ECT2L: variants seen among roughly 807,000 people sequenced by gnomAD.
ECT2L encodes the protein epithelial cell transforming 2 like, also known as epithelial cell-transforming sequence 2 oncogene-like.
A neutral mutation model predicts 122.8 loss-of-function variants in ECT2L; 126 were observed. The ratio of observed to expected loss-of-function variants is 1.03; its 90% confidence interval spans 0.89 to 1.19. The LOEUF (loss-of-function observed/expected upper bound fraction) is 1.19. Ranked by LOEUF, ECT2L falls within the 50% of genes most tolerant of loss-of-function variation. ECT2L has a pLI of 0.00. For missense variants in ECT2L, 1,012 were observed against 1,064.1 expected, an observed-to-expected ratio of 0.95 and a Z score of 0.68; for synonymous variants, 385 against 381.8, an observed-to-expected ratio of 1.01 and a Z score of -0.10.
rs541684187 is a variant in ECT2L at position 138,871,532 on chromosome 6, G to A, written c.1578+3326G>A. 1.5e-4 allele frequency among the ~76,000 whole-genome samples: 23 copies of A among 152,294 alleles called. No individual in the cohort carries two copies. The East Asian group carries it at 2.9e-3, about 19-fold the overall frequency. ...CATTAAGACCCATCCTTGGCCAGGC[G>A]CAGTGGCTCACGTCTGTAATCCCAG... On this transcript the variant is annotated intron_variant, in intron 13 of 21. Transcript: ENST00000541398.
In ECT2L at chr6:138,813,194, T is replaced by G; in HGVS notation, c.-81T>G. The G allele has an allele frequency of 2.1e-6, 2 of 956,182 alleles. No homozygotes were observed. The highest frequency in any genetic ancestry group is 3.3e-6 in the Non-Finnish European group (2 of 615,262). The allele number at this position is 956,182 out of a possible 1,614,324, so 59.2% of individuals were successfully genotyped here. A position where few individuals can be genotyped will look rare whatever the true frequency, so the allele number is the denominator to read the frequency against. On this transcript the variant is annotated 5_prime_UTR_variant, in exon 3 of 22. The change creates a new upstream start codon in the 5' untranslated region. Coordinates refer to ENST00000541398, the MANE Select transcript of ECT2L (RefSeq NM_001077706.3). ...TAGGTGATCTTAATTGCACACCTAT[T>G]GAAATAAACCTGTAGTTTCTAGAAG...
At chr6:138,847,355 CTTTTTTTTTTTTTTTTT>C (rs1170631663) in intron 8 of ECT2L, among the ~76,000 whole-genome samples, 3 of 54,904 alleles carry the variant, frequency 5.5e-5, no homozygotes, top group East Asian at 6.3e-4. Flanking sequence ...AAGGCCCAAA[CTTTTTTTTTTTTTTTTT>C]TTTTTTTTTT....
chr6:138,867,580 C>T (rs1187462547), intron 12 of ECT2L, among the ~76,000 whole-genome samples: 1 of 146,578 alleles, frequency 6.8e-6, no homozygotes, highest in East Asian at 2.0e-4. Flanking sequence ...GAGGCCAAGG[C>T]AGGAGGATCA....
intron 4 of ECT2L, among the ~76,000 whole-genome samples, chr6:138,816,769 G>A (rs1776081583): frequency 6.6e-6 from 1 of 152,234 alleles, no homozygotes; most frequent in Admixed American, 6.5e-5. Context: ...ACAGGCATGA[G>A]CCGCCGCGCC....
intron 1 of ECT2L, among the ~76,000 whole-genome samples, chr6:138,804,285 T>C (rs1204064152): frequency 6.6e-6 from 1 of 152,216 alleles, no homozygotes; most frequent in Non-Finnish European, 1.5e-5. Context: ...AGGGGTCCAA[T>C]TTCTTTTCTT....
At chr6:138,810,480 T>TAG (rs1248616901) in intron 1 of ECT2L, among the ~76,000 whole-genome samples, 1 of 152,128 alleles carries the variant, frequency 6.6e-6, no homozygotes, top group Non-Finnish European at 1.5e-5. Flanking sequence ...CAGTTAACTT[T>TAG]AGAGAGAGAG....
At chr6:138,863,747 C>T (rs2128399575) in intron 11 of ECT2L, among the ~76,000 whole-genome samples, 1 of 151,802 alleles carries the variant, frequency 6.6e-6, no homozygotes, top group Non-Finnish European at 1.5e-5. Flanking sequence ...TCCTGAGTAG[C>T]TGGGACTACA....
chr6:138,849,525 C>T (rs1012894073), intron 9 of ECT2L, 91 bp downstream of exon 9: 2 of 1,296,092 alleles, frequency 1.5e-6, no homozygotes, highest in African/African-American at 3.1e-5. Context: ...ATCTCAGTTC[C>T]AAGTTGCTAA....
At chr6:138,835,031 A>G (rs537591034) in intron 4 of ECT2L, among the ~76,000 whole-genome samples, 1 of 152,104 alleles carries the variant, frequency 6.6e-6, no homozygotes, top group African/African-American at 2.4e-5. Context: ...ACAAGGCTAC[A>G]TGGACAGGGA....
chr6:138,882,833 T>C lies in ECT2L; in HGVS notation c.1990T>C (p.Phe664Leu), dbSNP rs1160195999. Residue 664 changes from phenylalanine to leucine, a missense_variant, in exon 16 of 22, where the codon TTC becomes CTC. Transcript: ENST00000541398. Reference protein sequence around the residue: ...GSQLNTYTNFFNNYPVILKTI... With the variant: ...GSQLNTYTNFLNNYPVILKTI... ...CCAGTTAAACACATATACCAATTTC[T>C]TCAACAATTACCCTGTCATTCTGAA... 6 of 1,614,054 alleles carry C rather than the reference T, an allele frequency of 3.7e-6. No homozygotes were observed. Among genetic ancestry groups the C allele is most frequent in the East Asian group, 2.2e-5 (1 of 44,902 alleles).
At chr6:138,819,145 C>T (rs1776175373) in intron 4 of ECT2L, among the ~76,000 whole-genome samples, 1 of 151,882 alleles carries the variant, frequency 6.6e-6, no homozygotes, top group Admixed American at 6.6e-5. Flanking sequence ...CATGTTCCTG[C>T]CCTTCTACCT....
intron 5 of ECT2L, among the ~76,000 whole-genome samples, chr6:138,842,337 T>C (rs1185703100): frequency 6.6e-6 from 1 of 152,100 alleles, no homozygotes; most frequent in African/African-American, 2.4e-5. Flanking sequence ...GGCATGCGCC[T>C]GTAATCCCAG....
chr6:138,900,184 TCTC>T (rs1288787734), intron 20 of ECT2L, among the ~76,000 whole-genome samples: 2 of 152,206 alleles, frequency 1.3e-5, no homozygotes, highest in African/African-American at 2.4e-5. Flanking sequence ...AATGCTTTTT[TCTC>T]CTATTAATAC....
At chr6:138,839,051 A>T (rs1776948932) in intron 5 of ECT2L, among the ~76,000 whole-genome samples, 1 of 152,192 alleles carries the variant, frequency 6.6e-6, no homozygotes, top group South Asian at 2.1e-4. Flanking sequence ...AAGTGCTGGG[A>T]TTACAGGCAT....
intron 10 of ECT2L, among the ~76,000 whole-genome samples, chr6:138,854,965 T>C (rs1582618968): frequency 6.6e-6 from 1 of 152,104 alleles, no homozygotes; most frequent in African/African-American, 2.4e-5. Flanking sequence ...AATTAAATTT[T>C]CTCATACTGT....
intron 12 of ECT2L, 63 bp from the exon 13 acceptor site, chr6:138,868,040 G>A: frequency 4.1e-6 from 3 of 723,190 alleles, no homozygotes; most frequent in Non-Finnish European, 6.7e-6. Flanking sequence ...GGACTGAGTT[G>A]TTGTTTTTAA....
Position 138,816,679 on chromosome 6 carries a change from G to C in ECT2L, c.179+2076G>C, listed in dbSNP as rs187740025. ...TTTTTGTATTTTTAGTAGAGATGGGGTTTCACCGTGTTAGCCAGGATGGTC... is the reference window on the plus strand; with the variant it reads ...TTTTTGTATTTTTAGTAGAGATGGGCTTTCACCGTGTTAGCCAGGATGGTC... On this transcript the variant is annotated intron_variant, in intron 4 of 21. Transcript: ENST00000541398. Among the ~76,000 whole-genome samples the C allele has an allele frequency of 1.9e-4, 29 of 152,184 alleles. 1 individual carries two copies. In the East Asian group the frequency reaches 5.2e-3, roughly 27 times the overall value.
intron 20 of ECT2L, among the ~76,000 whole-genome samples, chr6:138,897,534 GTATT>G (rs1044773628): frequency 6.6e-6 from 1 of 152,066 alleles, no homozygotes; most frequent in African/African-American, 2.4e-5. Flanking sequence ...CTGCTTTTGC[GTATT>G]TAGTTTAACC....
intron 13 of ECT2L, among the ~76,000 whole-genome samples, chr6:138,873,872 CTGTGTGTGTGTGTGTGTG>C (rs57839466): frequency 8.4e-5 from 6 of 71,372 alleles, no homozygotes; most frequent in East Asian, 3.0e-4. Context: ...AAATCCAGGA[CTGTGTGTGTGTGTGTGTG>C]TGTGTGTGTG....
Sources: allele counts gnomAD v4.1 joint callset (sites outside exome capture counted in the v4.1 genomes callset), GRCh38; gene constraint gnomAD v4.1.1; transcripts MANE v1.5; gene names NCBI Gene and HGNC (gene_info 2026-07-23, HGNC 2026-07-21).